Variants in G2E3 observed in about 807,000 individuals in gnomAD.
G2E3 encodes the protein G2/M-phase specific E3 ubiquitin protein ligase, also known as G2/M phase-specific E3 ubiquitin-protein ligase.
Under a neutral mutation model 92.8 loss-of-function variants are expected in G2E3, and 35 were observed. The ratio of observed to expected loss-of-function variants is 0.38; its 90% CI spans 0.29 to 0.50. The LOEUF (loss-of-function observed/expected upper bound fraction) is 0.50, where lower values mean the gene tolerates loss of function less well. Ranked by LOEUF, G2E3 falls within the 20% of genes least tolerant of loss-of-function variation. G2E3 has a pLI of 0.94. For missense variants in G2E3, 554 were observed against 823.8 expected (o/e 0.67, Z 4.01); for synonymous variants, 242 against 272.4 (o/e 0.89, Z 1.10).
chr14:30,565,650 CTTTTTTTTTT>C (rs537643569), intron 1 of G2E3, among the ~76,000 whole-genome samples: 6 of 62,228 alleles, frequency 9.6e-5, no homozygotes, highest in Non-Finnish European at 1.7e-4. Flanking sequence ...AACTTCATTC[CTTTTTTTTTT>C]TTTTTTTTTT....
intron 11 of G2E3, among the ~76,000 whole-genome samples, chr14:30,607,057 A>G (rs559117136): frequency 6.6e-6 from 1 of 152,262 alleles, no homozygotes; most frequent in Admixed American, 6.5e-5. Context: ...TATGTCTCAT[A>G]AAGTTAGAAA....
chr14:30,569,016 C>T (rs947074595), intron 1 of G2E3, among the ~76,000 whole-genome samples: 1 of 152,058 alleles, frequency 6.6e-6, no homozygotes, highest in African/African-American at 2.4e-5. Flanking sequence ...TGAGAAACAG[C>T]CATTCTTGTC....
intron 1 of G2E3, among the ~76,000 whole-genome samples, chr14:30,572,680 TC>T (rs1255827964): frequency 5.3e-5 from 8 of 152,192 alleles, no homozygotes; most frequent in Admixed American, 5.2e-4. Context: ...TGATATCTAA[TC>T]TTATATTTCT....
intron 6 of G2E3, among the ~76,000 whole-genome samples, chr14:30,594,447 T>A (rs968046064): frequency 1.3e-5 from 2 of 152,112 alleles, no homozygotes; most frequent in African/African-American, 2.4e-5. Flanking sequence ...CCCAGCACTT[T>A]GGGAGGCCGA....
intron 4 of G2E3, among the ~76,000 whole-genome samples, chr14:30,591,740 C>G (rs1460871815): frequency 6.6e-6 from 1 of 152,130 alleles, no homozygotes; most frequent in East Asian, 1.9e-4. Context: ...CCAGGATGAT[C>G]TCAAGATCCT....
chr14:30,589,391 A>C lies in G2E3; in HGVS notation c.144A>C (p.Ser48=). The change falls in exon 4 of 15, where the codon TCA becomes TCC. Residue 48 remains serine (S), a synonymous_variant. Transcript: ENST00000206595. ...LTVHYYCLLM[S]SGIWQRGKEE... ...TGAGAATATATTCATAGTTGATGTCAAGTGGAATTTGGCAGAGAGGCAAAG... is the reference window on the plus strand; with the variant it reads ...TGAGAATATATTCATAGTTGATGTCCAGTGGAATTTGGCAGAGAGGCAAAG... 1 of 1,578,124 alleles carries C rather than the reference A, an allele frequency of 6.3e-7. No homozygotes were observed. Among genetic ancestry groups the C allele is most frequent in the Non-Finnish European group, 8.7e-7 (1 of 1,148,358 alleles).
intron 1 of G2E3, among the ~76,000 whole-genome samples, chr14:30,577,338 TGTTA>T (rs1411946423): frequency 4.6e-5 from 7 of 151,930 alleles, no homozygotes; most frequent in Non-Finnish European, 7.4e-5. Context: ...ACTTTTTTTG[TGTTA>T]GTTATCTGTT....
intron 10 of G2E3, 55 bp downstream of exon 10, chr14:30,602,186 T>C (rs938953313): frequency 1.4e-4 from 184 of 1,353,796 alleles, no homozygotes; most frequent in Non-Finnish European, 1.2e-4. Flanking sequence ...AAAATTATGA[T>C]AGGAAATGCC....
chr14:30,597,311 A>C (rs1196704125), intron 6 of G2E3, 109 bp from the exon 7 acceptor site: 4 of 701,722 alleles, frequency 5.7e-6, no homozygotes, highest in Non-Finnish European at 1.0e-5. Context: ...CTAGCATAGA[A>C]AATGTTTTCA....
At chr14:30,601,681 G>A (rs961449295) in intron 8 of G2E3, 89 bp from the exon 9 acceptor site, 3 of 1,240,074 alleles carry the variant, frequency 2.4e-6, no homozygotes, top group African/African-American at 1.5e-5. Context: ...GCGTGTTTGT[G>A]TGTAAGAAGG....
chr14:30,566,138 G>C (rs1338040528), intron 1 of G2E3, among the ~76,000 whole-genome samples: 1 of 152,188 alleles, frequency 6.6e-6, no homozygotes, highest in African/African-American at 2.4e-5. Flanking sequence ...CCTTGTGCCA[G>C]TACCACATTG....
In G2E3 at chr14:30,578,270, T is replaced by A. The variant is rs149543567; in HGVS notation, c.-4-2806T>A. On this transcript the variant is annotated intron_variant, in intron 1 of 14. Coordinates refer to ENST00000206595, the MANE Select transcript of G2E3 (RefSeq NM_017769.5). ...TTAGAATAATCAACTTTTAGGTAAT[T>A]TGATACTGCTATAATTTCAAGCTTA... is the stretch of plus-strand genomic sequence containing the variant. Among the ~76,000 whole-genome samples, 24 of 152,300 alleles carry A rather than the reference T, an allele frequency of 1.6e-4. No homozygotes were observed. The East Asian group carries it at 3.9e-3, about 24-fold the overall frequency.
At chr14:30,575,919 A>G (rs1237010845) in intron 1 of G2E3, among the ~76,000 whole-genome samples, 1 of 152,238 alleles carries the variant, frequency 6.6e-6, no homozygotes, top group East Asian at 1.9e-4. Flanking sequence ...GGAAGAATCA[A>G]TATCATTAAA....
At chr14:30,591,017 A>G (rs569382756) in intron 4 of G2E3, 77 of 190,204 alleles carry the variant, frequency 4.0e-4, no homozygotes, top group Non-Finnish European at 7.0e-4. Context: ...TCATGTTGGC[A>G]CTCAGAAAGT....
At chr14:30,607,190 TATA>T (rs201146218) in intron 11 of G2E3, among the ~76,000 whole-genome samples, 1,982 of 152,222 alleles carry the variant, frequency 0.013, 19 homozygotes, top group Non-Finnish European at 0.02. Context: ...AAGTTTACAA[TATA>T]ATAAGTGGAT....
At chr14:30,581,601 C>T (rs934873852) in intron 2 of G2E3, among the ~76,000 whole-genome samples, 2 of 152,138 alleles carry the variant, frequency 1.3e-5, no homozygotes, top group African/African-American at 4.8e-5. Flanking sequence ...ACTCGCTAGG[C>T]CGAGGCAGGA....
At chr14:30,604,399 G>A (rs774806797) in intron 10 of G2E3, among the ~76,000 whole-genome samples, 4 of 152,194 alleles carry the variant, frequency 2.6e-5, no homozygotes, top group Non-Finnish European at 5.9e-5. Context: ...CCCAAAACAA[G>A]ATTATTTTTG....
At chr14:30,610,373 TG>T (rs1882030673) in intron 12 of G2E3, among the ~76,000 whole-genome samples, 1 of 152,150 alleles carries the variant, frequency 6.6e-6, no homozygotes, top group Non-Finnish European at 1.5e-5. Flanking sequence ...CCCAACACTT[TG>T]GGAGAACAGG....
intron 1 of G2E3, among the ~76,000 whole-genome samples, chr14:30,561,540 G>A (rs543544320): frequency 1.3e-5 from 2 of 152,230 alleles, no homozygotes; most frequent in East Asian, 1.9e-4. Context: ...ACCTGCTGAT[G>A]TTCTATCAAT....
Sources: allele counts gnomAD v4.1 joint callset (sites outside exome capture counted in the v4.1 genomes callset), GRCh38; gene constraint gnomAD v4.1.1; transcripts MANE v1.5; gene names NCBI Gene and HGNC (gene_info 2026-07-23, HGNC 2026-07-21).